Variants in SLC4A1 observed in about 807,000 individuals in gnomAD.
SLC4A1 encodes the protein solute carrier family 4 member 1 (Diego blood group).
Under a neutral mutation model 93.1 loss-of-function variants are expected in SLC4A1, and 29 were observed. That is an observed-to-expected ratio of 0.31 (90% CI 0.23 to 0.42). The LOEUF (loss-of-function observed/expected upper bound fraction) is 0.42, where lower values mean the gene tolerates loss of function less well. SLC4A1 is among the 20% of genes least tolerant of loss of function. The pLI is 1.00. For missense variants in SLC4A1, 965 were observed against 1,190.1 expected (o/e 0.81, Z 2.78); for synonymous variants, 469 against 497.2 (o/e 0.94, Z 0.76).
chr17:44,264,153 CT>C (rs1418023684), intron 1 of SLC4A1, among the ~76,000 whole-genome samples: 22 of 152,112 alleles, frequency 1.4e-4, no homozygotes, highest in African/African-American at 4.8e-4. Context: ...ACCACCATGC[CT>C]GACTAATTTT....
intron 14 of SLC4A1, 145 bp from the exon 15 acceptor site, chr17:44,255,441 C>T: frequency 1.3e-6 from 1 of 759,796 alleles, no homozygotes; most frequent in East Asian, 2.7e-5. Context: ...TCAGCTATGT[C>T]TGCCTCCTTT....
Position 44,251,507 on chromosome 17 carries a change from G to T in SLC4A1, c.2393C>A (p.Thr798Lys). ...LFGIFLYMGV[T>K]SLSGIQLFDR... ...AAAGAGCTGGATGCCGCTGAGCGAC[G>T]TGACCCCCATGTAGAGGAAGATGCC... Residue 798 changes from threonine to lysine, a missense_variant, in exon 18 of 20, where the codon ACG becomes AAG. By Grantham distance (78) the Thr-to-Lys change is moderately conservative. Transcript: ENST00000262418. The T allele has an allele frequency of 6.2e-7, 1 of 1,614,156 alleles. No homozygotes were observed. The highest frequency in any genetic ancestry group is 8.5e-7 in the Non-Finnish European group (1 of 1,180,020).
chr17:44,253,129 G>C lies in SLC4A1; in HGVS notation c.2300C>G (p.Ala767Gly). The change falls in exon 17 of 20, where the codon GCT becomes GGT. Residue 767 changes from alanine to glycine, a missense_variant. Ala to Gly is a moderately conservative substitution (Grantham distance 60). Transcript: ENST00000262418. ...CAGCTTTCACTCACCCACAAGCACA[G>C]CGACCAGGAGTCCACTGATCCGCTG... ...KEQRISGLLVAVLVGLSILME... is the reference protein window; with the variant it reads ...KEQRISGLLVGVLVGLSILME... 1.2e-6 allele frequency: 2 copies of C among 1,612,082 alleles called. No homozygotes were observed. The highest frequency in any genetic ancestry group is 4.5e-5 in the East Asian group (2 of 44,890).
Position 44,259,551 on chromosome 17 carries a change from A to G in SLC4A1, c.640T>C (p.Ser214Pro). 6.2e-7 allele frequency: 1 copy of G among 1,614,088 alleles called. No homozygotes were observed. Among genetic ancestry groups the G allele is most frequent in the Non-Finnish European group, 8.5e-7 (1 of 1,179,964 alleles). ...GGGGGAATCTTTTCCAGAATTCCAG[A>G]TGGTGAGTGCCCTTCTGTGCCCCCA... ...GDGGTEGHSP[S>P]GILEKIPPDS... The change falls in exon 8 of 20, where the codon TCT becomes CCT. Residue 214 changes from serine to proline, a missense_variant. By Grantham distance (74) the Ser-to-Pro change is moderately conservative. Coordinates refer to ENST00000262418, the MANE Select transcript of SLC4A1 (RefSeq NM_000342.4).
chr17:44,260,694 G>C lies in SLC4A1; in HGVS notation c.290C>G (p.Pro97Arg). The change falls in exon 5 of 20, where the codon CCG becomes CGG. Residue 97 changes from proline to arginine, a missense_variant. Pro to Arg is a moderately radical substitution (Grantham distance 103). Coordinates refer to ENST00000262418, the MANE Select transcript of SLC4A1 (RefSeq NM_000342.4). Reference protein sequence around the residue: ...NLGENGAWGRPHLSHLTFWSL... With the variant: ...NLGENGAWGRRHLSHLTFWSL... ...CCAGAAGGTGAGGTGAGAGAGGTGC[G>C]GGCGGCCCCAGGCCCCATTCTCCCC... is the stretch of plus-strand genomic sequence containing the variant. The C allele has an allele frequency of 6.2e-7, 1 of 1,614,138 alleles. No individual in the cohort carries two copies.
In SLC4A1 at chr17:44,254,479, C is replaced by T; in HGVS notation, c.2057+17G>A. Reference sequence around the variant, plus strand: ...GCCTCCCACCCTCCCAGGCCCAGCCCCCACCCTGTCTCTCACGTGGTGATC... The same window carrying T: ...GCCTCCCACCCTCCCAGGCCCAGCCTCCACCCTGTCTCTCACGTGGTGATC... On this transcript the variant is annotated intron_variant, in intron 16 of 19. Transcript: ENST00000262418. 9 of 1,599,250 alleles carry T rather than the reference C, an allele frequency of 5.6e-6. No homozygotes were observed. The highest frequency in any genetic ancestry group is 1.3e-5 in the African/African-American group (1 of 74,614).
At chr17:44,261,672 G>T (rs140632969) in intron 3 of SLC4A1, 36 bp from the exon 4 acceptor site, 4 of 1,613,918 alleles carry the variant, frequency 2.5e-6, no homozygotes, top group Non-Finnish European at 3.4e-6. Flanking sequence ...TGACCTGACC[G>T]TCCCCCACCT....
rs377326869 is a variant in SLC4A1 at position 44,250,479 on chromosome 17, G to C, written c.2715C>G (p.Asp905Glu). 3 of 1,613,738 alleles carry C rather than the reference G, an allele frequency of 1.9e-6. No individual in the cohort carries two copies. Among genetic ancestry groups the C allele is most frequent in the Non-Finnish European group, 2.5e-6 (3 of 1,179,876 alleles). ...FDEEEGRDEY[D>E]EVAMPV ...CCCCTCACACAGGCATGGCCACTTC[G>C]TCGTATTCATCCCGACCTTCCTCCT... Residue 905 changes from aspartate (D) to glutamate (E), a missense_variant, in exon 20 of 20, where the codon GAC (aspartate) becomes GAG (glutamate). Asp to Glu is a conservative substitution (Grantham distance 45, BLOSUM62 2). Around this residue, in one of 2 missense-constraint regions of SLC4A1, gnomAD observed 770 missense variants for 1,006.6 expected, o/e 0.76. Coordinates refer to ENST00000262418, the MANE Select transcript of SLC4A1 (RefSeq NM_000342.4).
Position 44,250,406 on chromosome 17 carries a change from G to C in SLC4A1, c.*52C>G. The C allele has an allele frequency of 6.9e-7, 1 of 1,440,114 alleles. No homozygotes were observed. Among genetic ancestry groups the C allele is most frequent in the Non-Finnish European group, 9.8e-7 (1 of 1,022,494 alleles). 89.2% of individuals were successfully genotyped at this position (1,440,114 alleles called of 1,614,324 possible). A position where few individuals can be genotyped will look rare whatever the true frequency, so the allele number is the denominator to read the frequency against. On this transcript the variant is annotated 3_prime_UTR_variant, in exon 20 of 20. Coordinates refer to ENST00000262418, the MANE Select transcript of SLC4A1 (RefSeq NM_000342.4). ...GCCCATGAACTTCTGCTTTTCCTTG[G>C]AAGGTGGGGATGTGGAATGGTGGGG...
In SLC4A1 at chr17:44,257,753, A is replaced by C; in HGVS notation, c.1337T>G (p.Val446Gly). 1 of 1,614,018 alleles carries C rather than the reference A, an allele frequency of 6.2e-7. No homozygotes were observed. The highest frequency in any genetic ancestry group is 1.7e-5 in the Admixed American group (1 of 60,018). Residue 446 changes from valine to glycine, a missense_variant, in exon 12 of 20, where the codon GTG becomes GGG. Coordinates refer to ENST00000262418, the MANE Select transcript of SLC4A1 (RefSeq NM_000342.4). ...CAGCAGGGCGAAGAGAATGCCCTGC[A>C]CTGCAGTGGAGATCAGCAGCTCCGA... is the stretch of plus-strand genomic sequence containing the variant. The part of the protein sequence containing the change: ...GVSELLISTA[V>G]QGILFALLGA...
At position 44,261,649 on chromosome 17, in the gene SLC4A1, G is replaced by C; in HGVS notation, c.107-13C>G. On this transcript the variant is annotated splice_polypyrimidine_tract_variant and intron_variant, in intron 3 of 19. Transcript: ENST00000262418. ...TCGGTGTCGTGAGCTGAAAACCAGA[G>C]GTCGGTTAGTATTGACCTGACCGTC... 2 of 1,614,110 alleles carry C rather than the reference G, an allele frequency of 1.2e-6. No individual in the cohort carries two copies. Among genetic ancestry groups the C allele is most frequent in the Non-Finnish European group, 1.7e-6 (2 of 1,179,986 alleles).
chr17:44,251,687 C>A, intron 17 of SLC4A1, 99 bp from the exon 18 acceptor site: 3 of 843,280 alleles, frequency 3.6e-6, no homozygotes, highest in Non-Finnish European at 5.7e-6. Flanking sequence ...ACACAGGCAC[C>A]ATATGGAGCC....
chr17:44,250,285 C>A lies in SLC4A1; in HGVS notation c.*173G>T. ...ATCCCCAGCCAGAAAAGCCAGGCTA[C>A]CCTTTGTGGAAGGTCTCCTGGACAC... On this transcript the variant is annotated 3_prime_UTR_variant, in exon 20 of 20. Coordinates refer to ENST00000262418, the MANE Select transcript of SLC4A1 (RefSeq NM_000342.4). 1 of 626,856 alleles carries A rather than the reference C, an allele frequency of 1.6e-6. No homozygotes were observed. The highest frequency in any genetic ancestry group is 2.8e-5 in the East Asian group (1 of 35,556). 38.8% of individuals were successfully genotyped at this position (626,856 alleles called of 1,614,324 possible). A position where few individuals can be genotyped will look rare whatever the true frequency, so the allele number is the denominator to read the frequency against.
chr17:44,264,780 G>A (rs1405254733), intron 1 of SLC4A1, among the ~76,000 whole-genome samples: 1 of 152,116 alleles, frequency 6.6e-6, no homozygotes, highest in African/African-American at 2.4e-5. Flanking sequence ...AGAGAGGAAG[G>A]TGTGCCTTCC....
chr17:44,250,702 G>C (rs534509443), intron 19 of SLC4A1, among the ~76,000 whole-genome samples, 164 bp from the exon 20 acceptor site: 1 of 152,338 alleles, frequency 6.6e-6, no homozygotes, highest in African/African-American at 2.4e-5. Flanking sequence ...GCCTAAATGA[G>C]TCGTTGTCAA....
At position 44,259,710 on chromosome 17, in the gene SLC4A1, C is replaced by T. The variant is rs537014418; in HGVS notation, c.609+99G>A. On this transcript the variant is annotated intron_variant, in intron 7 of 19. Coordinates refer to ENST00000262418, the MANE Select transcript of SLC4A1 (RefSeq NM_000342.4). Reference sequence around the variant, plus strand: ...CCCGGGCACAGGAGTGCTTCTGGTCCCCTGCTTGTGGTCGGTTTTTCAGGA... The same window carrying T: ...CCCGGGCACAGGAGTGCTTCTGGTCTCCTGCTTGTGGTCGGTTTTTCAGGA... 35 of 1,581,148 alleles carry T rather than the reference C, an allele frequency of 2.2e-5. No homozygotes were observed. In the East Asian group the frequency reaches 7.4e-4, roughly 33 times the overall value.
intron 1 of SLC4A1, among the ~76,000 whole-genome samples, chr17:44,263,377 G>A (rs1165719555): frequency 2.0e-5 from 3 of 152,132 alleles, no homozygotes; most frequent in Non-Finnish European, 4.4e-5. Flanking sequence ...TGCCCACCGG[G>A]CATGGGCTGC....
At chr17:44,253,511 C>T (rs909399524) in intron 16 of SLC4A1, 140 bp from the exon 17 acceptor site, 1 of 1,051,794 alleles carries the variant, frequency 9.5e-7, no homozygotes, top group Middle Eastern at 3.1e-4. Flanking sequence ...GCTCCCCTCC[C>T]TCCCGCCCCA....
chr17:44,260,302 T>A, intron 6 of SLC4A1, 102 bp downstream of exon 6: 2 of 1,432,924 alleles, frequency 1.4e-6, no homozygotes, highest in Middle Eastern at 2.3e-4. Flanking sequence ...CCCTGCCTGG[T>A]GAGGGTAGGG....
Sources: gnomAD v4.1 joint callset for allele counts (sites outside exome capture counted in the v4.1 genomes callset) on GRCh38, gnomAD v4.1.1 for gene constraint, gnomAD v4.1.1 regional missense constraint, MANE v1.5 for transcripts, NCBI Gene and HGNC (gene_info 2026-07-23, HGNC 2026-07-21) for gene names.